Variants in SNX7 observed in about 807,000 individuals in gnomAD.
SNX7 encodes sorting nexin 7, also known as sorting nexin-7.
Under a neutral mutation model 48.4 loss-of-function variants are expected in SNX7, and 35 were observed. The observed-to-expected ratio is 0.72, with a 90% CI of 0.55 to 0.96. The LOEUF is 0.96. Ranked by LOEUF, SNX7 falls within the 40% of genes least tolerant of loss-of-function variation. The pLI, the probability that SNX7 is intolerant of heterozygous loss-of-function variation, is 0.00. For missense variants in SNX7, 553 were observed against 548.9 expected (o/e 1.01, Z -0.07); for synonymous variants, 190 against 190.2 (o/e 1.00, Z 0.01).
chr1:98,663,703 AT>A (rs1649394716), intron 1 of SNX7, among the ~76,000 whole-genome samples: 1 of 152,148 alleles, frequency 6.6e-6, no homozygotes, highest in East Asian at 1.9e-4. Flanking sequence ...ATTTATTGAG[AT>A]TTCTTTTCTC....
rs112899198 is a variant in SNX7, at chr1:98,709,877, A to G, written c.1125+7974A>G. On this transcript the variant is annotated intron_variant, in intron 7 of 8. Coordinates refer to ENST00000306121, the MANE Select transcript of SNX7 (RefSeq NM_015976.5). ...ATGTTCTCATTGCACTAATGTCTTT[A>G]CTTTCTGTCTTTAAACTTGTAGAGT... Among the ~76,000 whole-genome samples, 643 of 152,092 alleles carry G rather than the reference A, an allele frequency of 4.2e-3. 5 individuals are homozygous for G. The highest frequency in any genetic ancestry group is 0.015 in the African/African-American group (606 of 41,496).
chr1:98,665,069 C>T (rs566716607), intron 1 of SNX7, among the ~76,000 whole-genome samples: 120 of 152,126 alleles, frequency 7.9e-4, no homozygotes, highest in Non-Finnish European at 1.4e-3. Context: ...TTATTGAATA[C>T]TGTATAAAAG....
At chr1:98,742,996 A>T (rs1373053699) in intron 8 of SNX7, among the ~76,000 whole-genome samples, 1 of 151,900 alleles carries the variant, frequency 6.6e-6, no homozygotes, top group Non-Finnish European at 1.5e-5. Context: ...ATAGTTAAAC[A>T]TTTGTTTTTT....
At chr1:98,671,541 T>C (rs1272330172) in intron 1 of SNX7, among the ~76,000 whole-genome samples, 1 of 152,116 alleles carries the variant, frequency 6.6e-6, no homozygotes, top group East Asian at 1.9e-4. Context: ...TCAATTTTAT[T>C]GAGTATAATT....
intron 1 of SNX7, among the ~76,000 whole-genome samples, chr1:98,671,672 A>G (rs1287858929): frequency 1.3e-5 from 2 of 152,138 alleles, no homozygotes; most frequent in Non-Finnish European, 2.9e-5. Flanking sequence ...ATGATCCATT[A>G]TGCCTGCTTA....
At chr1:98,668,543 G>A (rs1159520590) in intron 1 of SNX7, among the ~76,000 whole-genome samples, 1 of 152,152 alleles carries the variant, frequency 6.6e-6, no homozygotes, top group African/African-American at 2.4e-5. Flanking sequence ...TCTTCCTTTG[G>A]CACAGGAAGT....
intron 8 of SNX7, among the ~76,000 whole-genome samples, chr1:98,752,561 A>G (rs1359604531): frequency 6.6e-6 from 1 of 152,010 alleles, no homozygotes; most frequent in Non-Finnish European, 1.5e-5. Context: ...GGCAAAACTT[A>G]ATATTTACAT....
intron 7 of SNX7, among the ~76,000 whole-genome samples, chr1:98,708,405 A>C (rs775154316): frequency 6.6e-6 from 1 of 152,166 alleles, no homozygotes; most frequent in African/African-American, 2.4e-5. Context: ...AACCAGTCAC[A>C]TGGAGTGGGA....
At position 98,737,729 on chromosome 1, in the gene SNX7, G is replaced by A. The variant is rs530365090; in HGVS notation, c.1126-508G>A. Among the ~76,000 whole-genome samples, 22 of 152,198 alleles carry A rather than the reference G, an allele frequency of 1.4e-4. No homozygotes were observed. In the East Asian group the frequency reaches 4.1e-3, roughly 28 times the overall value. ...CTAGCTATCTGAGTAGAGTTTGCAG[G>A]TTAATCCCCTGGGCCTCCAGGTGGG... On this transcript the variant is annotated intron_variant, in intron 7 of 8. Transcript: ENST00000306121.
At chr1:98,685,160 C>A in intron 2 of SNX7, 93 bp downstream of exon 2, 2 of 777,666 alleles carry the variant, frequency 2.6e-6, no homozygotes, top group Non-Finnish European at 3.7e-6. Flanking sequence ...CTGAACATTC[C>A]AAGATCTTAG....
intron 1 of SNX7, among the ~76,000 whole-genome samples, chr1:98,672,930 C>CAAAG (rs1553196789): frequency 1.1e-5 from 1 of 88,528 alleles, no homozygotes; most frequent in Non-Finnish European, 2.1e-5. Context: ...GACTCCGTCT[C>CAAAG]AAAAAAAAAA....
intron 1 of SNX7, among the ~76,000 whole-genome samples, chr1:98,668,126 AG>A (rs563846761): frequency 2.4e-4 from 36 of 152,256 alleles, no homozygotes; most frequent in Admixed American, 7.2e-4. Flanking sequence ...TCTCTTTTTG[AG>A]GTAGCATATA....
chr1:98,672,236 C>T (rs1649910022), intron 1 of SNX7, among the ~76,000 whole-genome samples: 1 of 152,008 alleles, frequency 6.6e-6, no homozygotes, highest in Non-Finnish European at 1.5e-5. Context: ...GGCTTTGACT[C>T]TGTTCCACAT....
At chr1:98,670,016 A>G (rs1349526703) in intron 1 of SNX7, among the ~76,000 whole-genome samples, 2 of 152,208 alleles carry the variant, frequency 1.3e-5, no homozygotes, top group African/African-American at 4.8e-5. Flanking sequence ...TTTCATATTT[A>G]TAGAGACAGT....
chr1:98,687,447 AAT>A (rs1476454730), intron 2 of SNX7, among the ~76,000 whole-genome samples: 4 of 152,090 alleles, frequency 2.6e-5, no homozygotes, highest in African/African-American at 9.7e-5. Flanking sequence ...TACAGATACA[AAT>A]ATATAAATAG....
At chr1:98,662,338 A>T (rs1432960415) in intron 1 of SNX7, 1 of 162,390 alleles carries the variant, frequency 6.2e-6, no homozygotes, top group Non-Finnish European at 1.3e-5. Context: ...AGTTTAGAGA[A>T]ATTATTCTTA....
chr1:98,705,426 G>A (rs929379979), intron 7 of SNX7, among the ~76,000 whole-genome samples: 1 of 152,154 alleles, frequency 6.6e-6, no homozygotes, highest in Non-Finnish European at 1.5e-5. Flanking sequence ...TATAGGTTGA[G>A]GAAATTATTA....
At chr1:98,704,162 TAATC>T (rs563071902) in intron 7 of SNX7, among the ~76,000 whole-genome samples, 6 of 152,162 alleles carry the variant, frequency 3.9e-5, no homozygotes, top group Admixed American at 6.5e-5. Flanking sequence ...TGTTATAACT[TAATC>T]AGTGTATATT....
chr1:98,689,708 A>G (rs1032386534), intron 2 of SNX7, among the ~76,000 whole-genome samples: 6 of 152,136 alleles, frequency 3.9e-5, no homozygotes, highest in African/African-American at 7.2e-5. Context: ...GCTCAGTAAT[A>G]TTTTTTAATG....
Sources: gnomAD v4.1 joint callset for allele counts (sites outside exome capture counted in the v4.1 genomes callset) on GRCh38, gnomAD v4.1.1 for gene constraint, MANE v1.5 for transcripts, NCBI Gene and HGNC (gene_info 2026-07-23, HGNC 2026-07-21) for gene names.